SRD5A2: variants seen among roughly 807,000 people sequenced by gnomAD.
SRD5A2 encodes the protein 3-oxo-5-alpha-steroid 4-dehydrogenase 2.
In SRD5A2, 30 loss-of-function variants were observed where a neutral mutation model predicts 27.4. That is an observed-to-expected ratio of 1.10 (90% confidence interval 0.82 to 1.49). The LOEUF (loss-of-function observed/expected upper bound fraction) is 1.49. Ranked by LOEUF, SRD5A2 falls within the 40% of genes most tolerant of loss-of-function variation. The probability of loss-of-function intolerance (pLI) is 0.00; values close to 1 mark genes in which losing one functional copy is unlikely to be tolerated. For synonymous variants in SRD5A2, 141 were observed against 133.6 expected (o/e 1.06, Z -0.38); for missense variants, 348 against 323.4 (o/e 1.08, Z -0.58).
chr2:31,546,428 G>T (rs1009899808), intron 1 of SRD5A2, among the ~76,000 whole-genome samples: 1 of 152,108 alleles, frequency 6.6e-6, no homozygotes, highest in African/African-American at 2.4e-5. Context: ...AAGAAAATAT[G>T]TTACATATAC....
chr2:31,576,081 C>T (rs1263190365), intron 1 of SRD5A2, among the ~76,000 whole-genome samples: 1 of 150,196 alleles, frequency 6.7e-6, no homozygotes, highest in East Asian at 1.9e-4. Context: ...AGGACATAGG[C>T]GTGGGCAAGG....
At chr2:31,587,303 G>A in the SRD5A2 span, among the ~76,000 whole-genome samples, 7 of 152,210 alleles carry the variant, frequency 4.6e-5, no homozygotes, top group Non-Finnish European at 7.3e-5. Flanking sequence ...TACATTGTTG[G>A]TGGGAGTGTA....
At chr2:31,655,598 G>C in the SRD5A2 span, among the ~76,000 whole-genome samples, 1 of 152,076 alleles carries the variant, frequency 6.6e-6, no homozygotes, top group African/African-American at 2.4e-5. Flanking sequence ...AAAAAAAACA[G>C]ACCACTCATG....
chr2:31,533,845 C>A, intron 1 of SRD5A2, 79 bp from the exon 2 acceptor site: 2 of 1,475,866 alleles, frequency 1.4e-6, no homozygotes, highest in South Asian at 2.6e-5. Flanking sequence ...TTCTTAAGCT[C>A]ACACCAGAAG....
At chr2:31,641,058 C>T in the SRD5A2 span, among the ~76,000 whole-genome samples, 1 of 152,126 alleles carries the variant, frequency 6.6e-6, no homozygotes, top group Non-Finnish European at 1.5e-5. Flanking sequence ...TTTTCCACTT[C>T]TCTATGGCCC....
rs139548266 is a variant in SRD5A2 at position 31,567,006 on chromosome 2, T to C, written c.281+13614A>G. On this transcript the variant is annotated intron_variant, in intron 1 of 4. Coordinates refer to ENST00000622030, the MANE Select transcript of SRD5A2 (RefSeq NM_000348.4). ...TACTCTTTATGTGCTACTTTTTAACTAAATGGCTCCATATATTTATTTCCA... is the reference window on the plus strand; with the variant it reads ...TACTCTTTATGTGCTACTTTTTAACCAAATGGCTCCATATATTTATTTCCA... Among the ~76,000 whole-genome samples the C allele has an allele frequency of 8.3e-3, 1,268 of 152,328 alleles. 15 individuals are homozygous for C. Among genetic ancestry groups the C allele is most frequent in the Non-Finnish European group, 0.011 (763 of 68,012 alleles).
chr2:31,652,372 G>C, the SRD5A2 span, among the ~76,000 whole-genome samples: 1 of 151,994 alleles, frequency 6.6e-6, no homozygotes. Context: ...GCAAGGACAT[G>C]TTTGCATTTG....
At chr2:31,613,344 A>G in the SRD5A2 span, among the ~76,000 whole-genome samples, 3 of 152,126 alleles carry the variant, frequency 2.0e-5, no homozygotes, top group Non-Finnish European at 4.4e-5. Flanking sequence ...CAACTAAAAA[A>G]TGAGCAAAGA....
chr2:31,605,073 T>C, the SRD5A2 span, among the ~76,000 whole-genome samples: 1 of 151,862 alleles, frequency 6.6e-6, no homozygotes, highest in African/African-American at 2.4e-5. Flanking sequence ...TTTCAATAAA[T>C]GGTGTTGGGA....
the SRD5A2 span, among the ~76,000 whole-genome samples, chr2:31,608,344 A>G: frequency 6.6e-6 from 1 of 151,980 alleles, no homozygotes; most frequent in Non-Finnish European, 1.5e-5. Flanking sequence ...ACCCCTATAA[A>G]ATGAAATTAT....
the SRD5A2 span, among the ~76,000 whole-genome samples, chr2:31,601,374 T>C: frequency 5.9e-5 from 9 of 151,982 alleles, no homozygotes; most frequent in Admixed American, 2.6e-4. Context: ...CCAGAAGAAA[T>C]TGAATCCCTG....
chr2:31,626,934 T>C, the SRD5A2 span, among the ~76,000 whole-genome samples: 21 of 152,352 alleles, frequency 1.4e-4, no homozygotes, highest in African/African-American at 5.0e-4. Flanking sequence ...GAAGGAATGG[T>C]ACTAGCTCCT....
chr2:31,612,946 G>C, the SRD5A2 span, among the ~76,000 whole-genome samples: 1 of 152,172 alleles, frequency 6.6e-6, no homozygotes, highest in South Asian at 2.1e-4. Context: ...AAATGGTGTA[G>C]AGAAACTGGA....
chr2:31,648,382 G>A, the SRD5A2 span, among the ~76,000 whole-genome samples: 1 of 152,182 alleles, frequency 6.6e-6, no homozygotes, highest in Admixed American at 6.5e-5. Flanking sequence ...AGCCATGTGT[G>A]TGGGAGTGAT....
upstream of SRD5A2, among the ~76,000 whole-genome samples, chr2:31,584,583 T>C (rs574630205): frequency 9.2e-5 from 14 of 152,318 alleles, no homozygotes; most frequent in African/African-American, 3.4e-4. Context: ...CTGGCTACCA[T>C]ATTTAGGAAT....
chr2:31,573,356 G>A (rs1281025622), intron 1 of SRD5A2, among the ~76,000 whole-genome samples: 1 of 152,186 alleles, frequency 6.6e-6, no homozygotes, highest in South Asian at 2.1e-4. Context: ...TAGTTCAGGG[G>A]TTTTTAAAAT....
intron 1 of SRD5A2, among the ~76,000 whole-genome samples, chr2:31,556,025 G>A (rs747385276): frequency 6.6e-6 from 1 of 152,186 alleles, no homozygotes; most frequent in African/African-American, 2.4e-5. Flanking sequence ...TCAAAAAATT[G>A]TTCTCTTTGG....
the SRD5A2 span, among the ~76,000 whole-genome samples, chr2:31,632,482 CCAGATGATTCAGCAG>C: frequency 1.5e-4 from 23 of 152,346 alleles, no homozygotes; most frequent in African/African-American, 5.3e-4. Flanking sequence ...AAGCCACTAA[CCAGATGATTCAGCAG>C]CAGGACTGAG....
chr2:31,594,913 A>G, the SRD5A2 span, among the ~76,000 whole-genome samples: 2 of 152,218 alleles, frequency 1.3e-5, no homozygotes, highest in Non-Finnish European at 2.9e-5. Context: ...GAATGCTCAA[A>G]ACTATACAAA....
Sources: allele counts gnomAD v4.1 joint callset (sites outside exome capture counted in the v4.1 genomes callset), GRCh38; gene constraint gnomAD v4.1.1; transcripts MANE v1.5; gene names NCBI Gene and HGNC (gene_info 2026-07-23, HGNC 2026-07-21).